NRXN3: variants seen among roughly 807,000 people sequenced by gnomAD.
NRXN3 encodes the protein neurexin III.
In NRXN3, 32 loss-of-function variants were observed where a neutral mutation model predicts 137.6. That is an observed-to-expected ratio of 0.23 (90% CI 0.18 to 0.31). The LOEUF (loss-of-function observed/expected upper bound fraction) is 0.31, where lower values mean the gene tolerates loss of function less well. NRXN3 is among the 10% of genes least tolerant of loss of function. NRXN3 has a pLI of 1.00. For missense variants in NRXN3, 1,574 were observed against 2,062.5 expected (o/e 0.76, Z 4.59); for synonymous variants, 798 against 784.5 (o/e 1.02, Z -0.29).
At chr14:78,477,288 C>G (rs1004882810) in intron 4 of NRXN3, among the ~76,000 whole-genome samples, 1 of 152,154 alleles carries the variant, frequency 6.6e-6, no homozygotes, top group African/African-American at 2.4e-5. Context: ...CATTTCATGC[C>G]TCTCTGAAGT....
chr14:78,794,620 G>A (rs2098815596), intron 8 of NRXN3, among the ~76,000 whole-genome samples: 1 of 151,412 alleles, frequency 6.6e-6, no homozygotes, highest in South Asian at 2.1e-4. Context: ...GTGTGTGTGT[G>A]TGTGTGTGTG....
intron 19 of NRXN3, among the ~76,000 whole-genome samples, chr14:79,779,966 G>A (rs530458864): frequency 6.6e-6 from 1 of 152,192 alleles, no homozygotes; most frequent in East Asian, 1.9e-4. Context: ...CTAGGCTCAA[G>A]CAATTCTCCT....
intron 4 of NRXN3, among the ~76,000 whole-genome samples, chr14:78,526,145 C>A (rs2096375344): frequency 6.6e-6 from 1 of 152,184 alleles, no homozygotes; most frequent in Non-Finnish European, 1.5e-5. Flanking sequence ...CCTTGAACAG[C>A]TGAATTCCAG....
intron 10 of NRXN3, among the ~76,000 whole-genome samples, chr14:78,856,678 C>A (rs28558425): frequency 0.02 from 2,990 of 152,102 alleles, 100 homozygotes; most frequent in African/African-American, 0.069. Context: ...TGTTGAGTGT[C>A]TTATGGATAG....
intron 1 of NRXN3, among the ~76,000 whole-genome samples, chr14:78,172,375 G>T (rs1035648535): frequency 6.6e-6 from 1 of 152,114 alleles, no homozygotes; most frequent in East Asian, 1.9e-4. Flanking sequence ...AAGTTAAAAT[G>T]GTCCCGCTGG....
chr14:78,513,215 C>T (rs2096141983), intron 4 of NRXN3, among the ~76,000 whole-genome samples: 1 of 152,206 alleles, frequency 6.6e-6, no homozygotes, highest in Non-Finnish European at 1.5e-5. Flanking sequence ...TCTTGCACAA[C>T]TTCTCTAAGC....
At chr14:78,415,197 A>G (rs1377530424) in intron 4 of NRXN3, among the ~76,000 whole-genome samples, 1 of 152,202 alleles carries the variant, frequency 6.6e-6, no homozygotes, top group South Asian at 2.1e-4. Context: ...AATGGGGATG[A>G]TATTTAGCTT....
At chr14:79,405,121 G>A (rs1192845406) in intron 15 of NRXN3, among the ~76,000 whole-genome samples, 1 of 152,116 alleles carries the variant, frequency 6.6e-6, no homozygotes, top group Admixed American at 6.5e-5. Flanking sequence ...CTAGCAACAG[G>A]CCAGTGAAAC....
intron 10 of NRXN3, among the ~76,000 whole-genome samples, chr14:78,946,864 AT>A (rs2099366343): frequency 6.6e-6 from 1 of 152,152 alleles, no homozygotes; most frequent in Non-Finnish European, 1.5e-5. Flanking sequence ...AAACAAATAC[AT>A]TTGAATTGAA....
chr14:78,299,397 T>C (rs2076657883), intron 4 of NRXN3, among the ~76,000 whole-genome samples: 1 of 152,176 alleles, frequency 6.6e-6, no homozygotes, highest in Non-Finnish European at 1.5e-5. Flanking sequence ...TTGCTGGAAT[T>C]TGATGGCTCA....
intron 2 of NRXN3, among the ~76,000 whole-genome samples, chr14:78,253,911 T>G (rs916937785): frequency 1.3e-5 from 2 of 151,970 alleles, no homozygotes; most frequent in African/African-American, 4.8e-5. Context: ...AGCTCTTCTT[T>G]ATATCAGCCC....
chr14:78,604,654 T>C (rs570121036), intron 4 of NRXN3, among the ~76,000 whole-genome samples: 3 of 152,314 alleles, frequency 2.0e-5, no homozygotes, highest in African/African-American at 7.2e-5. Flanking sequence ...TCATTCTGTT[T>C]ATTTTATGGA....
chr14:79,394,153 T>G (rs2094943523), intron 15 of NRXN3, among the ~76,000 whole-genome samples: 1 of 152,228 alleles, frequency 6.6e-6, no homozygotes, highest in Non-Finnish European at 1.5e-5. Context: ...TTTTAAAAAT[T>G]GTGTTGAAAG....
chr14:79,578,902 T>C (rs2097689760), intron 16 of NRXN3, among the ~76,000 whole-genome samples: 1 of 152,144 alleles, frequency 6.6e-6, no homozygotes, highest in African/African-American at 2.4e-5. Flanking sequence ...TATGTGGCTG[T>C]AAGTAAATCG....
intron 10 of NRXN3, among the ~76,000 whole-genome samples, chr14:78,838,210 AAATACTTCTTTATTTT>A (rs1241462454): frequency 6.6e-6 from 1 of 152,152 alleles, no homozygotes; most frequent in Non-Finnish European, 1.5e-5. Flanking sequence ...AAAGTCTTTA[AAATACTTCTTTATTTT>A]AGCAGTGCTT....
chr14:79,549,314 GTCT>G (rs906127470), intron 16 of NRXN3, among the ~76,000 whole-genome samples: 1 of 152,038 alleles, frequency 6.6e-6, no homozygotes, highest in Non-Finnish European at 1.5e-5. Context: ...GTCTAATAAA[GTCT>G]TCTACCAGCT....
chr14:78,803,557 A>G, intron 8 of NRXN3, 63 bp from the exon 9 acceptor site: 1 of 1,491,468 alleles, frequency 6.7e-7, no homozygotes, highest in East Asian at 2.3e-5. Context: ...CCTGAAAGCA[A>G]AGGGGTATTT....
At chr14:79,011,299 T>C (rs1276822927) in intron 15 of NRXN3, among the ~76,000 whole-genome samples, 1 of 151,970 alleles carries the variant, frequency 6.6e-6, no homozygotes. Context: ...AAGTGATTGT[T>C]TTCTATTTTG....
In NRXN3 at chr14:79,017,020, T is replaced by C. The variant is rs1281932227; in HGVS notation, c.3262+28879T>C. On this transcript the variant is annotated intron_variant, in intron 15 of 20. Transcript: ENST00000335750. Reference sequence around the variant, plus strand: ...TTCCATCTGTCCATTAGTATAAACCTGGCACTTAGCCCAGTGATCCTCAAA... The same window carrying C: ...TTCCATCTGTCCATTAGTATAAACCCGGCACTTAGCCCAGTGATCCTCAAA... 2.0e-5 allele frequency among the ~76,000 whole-genome samples: 3 copies of C among 152,280 alleles called. No individual in the cohort carries two copies. The East Asian group carries it at 5.8e-4, about 30-fold the overall frequency.
Sources: allele counts gnomAD v4.1 joint callset (sites outside exome capture counted in the v4.1 genomes callset), GRCh38; gene constraint gnomAD v4.1.1; transcripts MANE v1.5; gene names NCBI Gene and HGNC (gene_info 2026-07-23, HGNC 2026-07-21).